Variants in ADCY7 observed in about 807,000 individuals in gnomAD.
ADCY7 encodes adenylate cyclase 7.
In ADCY7, 72 loss-of-function variants were observed where a neutral mutation model predicts 120.6. That is an observed-to-expected ratio of 0.60 (90% CI 0.49 to 0.73). The LOEUF (loss-of-function observed/expected upper bound fraction) is 0.73, where lower values mean the gene tolerates loss of function less well. Among genes scored for constraint, ADCY7 ranks in the 30% least tolerant of loss-of-function variants. The probability of loss-of-function intolerance (pLI) is 0.00; values close to 1 mark genes in which losing one functional copy is unlikely to be tolerated. For synonymous variants in ADCY7, 661 were observed against 628.0 expected, an observed-to-expected ratio of 1.05 and a Z score of -0.78; for missense variants, 1,227 against 1,486.0, an observed-to-expected ratio of 0.83 and a Z score of 2.87.
At chr16:50,310,908 T>TC in intron 19 of ADCY7, 28 bp downstream of exon 19, 1 of 1,548,420 alleles carries the variant, frequency 6.5e-7, no homozygotes, top group South Asian at 1.2e-5. Context: ...CCCGTCCCCA[T>TC]CCCCATGGTG....
chr16:50,261,826 G>A (rs1015471435), upstream of ADCY7, among the ~76,000 whole-genome samples: 2 of 152,208 alleles, frequency 1.3e-5, no homozygotes, highest in African/African-American at 2.4e-5. Context: ...CGAGGTTGGC[G>A]ACAAGTGGCC....
intron 2 of ADCY7, chr16:50,289,346 T>C (rs755218897): frequency 2.2e-6 from 1 of 446,256 alleles, no homozygotes; most frequent in South Asian, 1.6e-5. Context: ...TCAGAATCCT[T>C]TTTAACACAG....
intron 1 of ADCY7, among the ~76,000 whole-genome samples, chr16:50,272,019 G>A (rs2033608736): frequency 6.6e-6 from 1 of 152,188 alleles, no homozygotes. Flanking sequence ...GGGCCTGAGG[G>A]AAAGGGAAGC....
chr16:50,299,922 G>A (rs1286577593), intron 8 of ADCY7, among the ~76,000 whole-genome samples: 1 of 152,090 alleles, frequency 6.6e-6, no homozygotes, highest in Non-Finnish European at 1.5e-5. Context: ...CTCCCGTGGG[G>A]CTCTGCTCCT....
Position 50,310,669 on chromosome 16 carries a change from G to C in ADCY7, c.2161-18G>C, listed in dbSNP as rs1374117233. 1.9e-6 allele frequency: 3 copies of C among 1,612,048 alleles called. No individual in the cohort carries two copies. The highest frequency in any genetic ancestry group is 3.3e-4 in the Middle Eastern group (2 of 6,046). On this transcript the variant is annotated intron_variant, in intron 18 of 25. Coordinates refer to ENST00000673801, the MANE Select transcript of ADCY7 (RefSeq NM_001114.5). ...GTGGTGGGGTGGCCCTGTCCTGAGT[G>C]ACACCCTGCCCCCTCAGTACTACAC...
At chr16:50,310,947 C>A in intron 19 of ADCY7, 67 bp downstream of exon 19, 1 of 1,449,308 alleles carries the variant, frequency 6.9e-7, no homozygotes, top group South Asian at 1.3e-5. Flanking sequence ...TGCCTGCTCG[C>A]ACCAAGGGGC....
At position 50,309,645 on chromosome 16, in the gene ADCY7, C is replaced by A; in HGVS notation, c.2159C>A (p.Pro720Gln). The change falls in exon 18 of 26, where the codon CCG (proline) becomes CAG (glutamine). Residue 720 changes from proline to glutamine, a missense_variant and splice_region_variant. Physicochemically the swap from Pro to Gln is moderately conservative, Grantham distance 76 (BLOSUM62 -1). Coordinates refer to ENST00000673801, the MANE Select transcript of ADCY7 (RefSeq NM_001114.5). The stretch of plus-strand genomic sequence containing the variant: ...ACAAGAGCCCTGTGTGAGCCCCTCC[C>A]GGTGAGTGCGCCGGGCCCGGCTCCG... Reference protein sequence around the residue: ...SKTRALCEPLPYYTCSCVLGF... With the variant: ...SKTRALCEPLQYYTCSCVLGF... The A allele has an allele frequency of 1.2e-6, 2 of 1,608,494 alleles. No individual in the cohort carries two copies. Among genetic ancestry groups the A allele is most frequent in the Non-Finnish European group, 1.7e-6 (2 of 1,179,908 alleles).
upstream of ADCY7, among the ~76,000 whole-genome samples, chr16:50,245,748 G>A (rs34828612): frequency 9.8e-3 from 1,491 of 152,230 alleles, 83 homozygotes; most frequent in Admixed American, 0.087. Flanking sequence ...GCTCCTGCAG[G>A]GGGAGGGGAG....
chr16:50,310,628 C>T, intron 18 of ADCY7, 59 bp from the exon 19 acceptor site: 11 of 1,604,834 alleles, frequency 6.9e-6, no homozygotes, highest in Middle Eastern at 1.7e-4. Context: ...ATGTGCTGGG[C>T]TGGAGGCGAG....
At chr16:50,303,960 C>T (rs1596961288) in intron 10 of ADCY7, among the ~76,000 whole-genome samples, 1 of 152,052 alleles carries the variant, frequency 6.6e-6, no homozygotes, top group African/African-American at 2.4e-5. Flanking sequence ...GATGGGTGCT[C>T]AGGCCCCAGG....
intron 1 of ADCY7, among the ~76,000 whole-genome samples, chr16:50,285,837 G>A (rs545719458): frequency 6.6e-6 from 1 of 152,372 alleles, no homozygotes; most frequent in South Asian, 2.1e-4. Context: ...TCCCTGGGGA[G>A]AGAGAGCCCA....
chr16:50,270,771 G>T (rs1181935166), intron 1 of ADCY7, among the ~76,000 whole-genome samples: 1 of 152,158 alleles, frequency 6.6e-6, no homozygotes, highest in Non-Finnish European at 1.5e-5. Flanking sequence ...GGGGCTGATG[G>T]CAGTGCTCAG....
At chr16:50,310,609 C>T (rs2036393254) in intron 18 of ADCY7, 78 bp from the exon 19 acceptor site, 2 of 1,602,146 alleles carry the variant, frequency 1.2e-6, no homozygotes, top group African/African-American at 1.3e-5. Flanking sequence ...GGGAGTGGGG[C>T]TCTGTGGTAT....
intron 10 of ADCY7, among the ~76,000 whole-genome samples, chr16:50,303,698 G>A (rs2035880001): frequency 1.3e-5 from 2 of 152,194 alleles, no homozygotes; most frequent in African/African-American, 4.8e-5. Flanking sequence ...TGTCCAGCAT[G>A]AGGCTGGGTC....
chr16:50,310,247 C>T (rs928126920), intron 18 of ADCY7, among the ~76,000 whole-genome samples: 5 of 151,912 alleles, frequency 3.3e-5, no homozygotes, highest in Non-Finnish European at 5.9e-5. Context: ...GAGATGGAGC[C>T]GGGGGCAGGC....
At chr16:50,270,427 G>A (rs937536447) in intron 1 of ADCY7, among the ~76,000 whole-genome samples, 10 of 152,198 alleles carry the variant, frequency 6.6e-5, no homozygotes, top group African/African-American at 2.2e-4. Flanking sequence ...TCCCAACAGC[G>A]TGTGAGATGA....
At position 50,315,126 on chromosome 16, in the gene ADCY7, T is replaced by G. The variant is rs376216189; in HGVS notation, c.3084T>G (p.Leu1028=). The change falls in exon 25 of 26, where the codon CTT becomes CTG. Residue 1028 remains leucine (L), a synonymous_variant. Coordinates refer to ENST00000673801, the MANE Select transcript of ADCY7 (RefSeq NM_001114.5). ...GCCGAATGGAAAGCACTGGAGAACT[T>G]GGGAAAATCCAGGTAAAGACCTATT... ...VASRMESTGE[L]GKIQVTEETC... is the part of the protein sequence containing the mutation. 2.0e-5 allele frequency: 32 copies of G among 1,614,022 alleles called. No homozygotes were observed. In the African/African-American group the frequency reaches 2.1e-4, roughly 11 times the overall value.
chr16:50,308,599 G>C, intron 16 of ADCY7, 68 bp from the exon 17 acceptor site: 3 of 1,565,254 alleles, frequency 1.9e-6, no homozygotes, highest in Non-Finnish European at 2.6e-6. Context: ...CCCTCCCCAG[G>C]CTGCCAGCGA....
chr16:50,255,711 C>T (rs1168676649), intron 1 of ADCY7, among the ~76,000 whole-genome samples: 1 of 152,284 alleles, frequency 6.6e-6, no homozygotes, highest in East Asian at 1.9e-4. Context: ...AGGCTGGTCT[C>T]GAACTCCTGA....
Sources: allele counts gnomAD v4.1 joint callset (sites outside exome capture counted in the v4.1 genomes callset), GRCh38; gene constraint gnomAD v4.1.1; transcripts MANE v1.5; gene names NCBI Gene and HGNC (gene_info 2026-07-23, HGNC 2026-07-21).